Variants in SCUBE1 observed in about 807,000 individuals in gnomAD.
The protein encoded by SCUBE1 is signal peptide, CUB domain and EGF like domain containing 1.
In SCUBE1, 59 loss-of-function variants were observed where a neutral mutation model predicts 124.4. The observed-to-expected ratio is 0.47, with a 90% CI of 0.38 to 0.59. The LOEUF (loss-of-function observed/expected upper bound fraction) is 0.59, where lower values mean the gene tolerates loss of function less well. Ranked by LOEUF, SCUBE1 falls within the 20% of genes least tolerant of loss-of-function variation. The pLI is 0.00. For missense variants in SCUBE1, 1,150 were observed against 1,371.2 expected (o/e 0.84, Z 2.55); for synonymous variants, 545 against 550.9 (o/e 0.99, Z 0.15).
intron 1 of SCUBE1, among the ~76,000 whole-genome samples, chr22:43,339,455 G>A (rs1417146086): frequency 6.6e-6 from 1 of 151,978 alleles, no homozygotes; most frequent in African/African-American, 2.4e-5. Flanking sequence ...CAATACGCTT[G>A]GCCTTATTTA....
chr22:43,220,712 A>C, intron 13 of SCUBE1, 125 bp from the exon 14 acceptor site: 4 of 1,233,630 alleles, frequency 3.2e-6, no homozygotes, highest in Non-Finnish European at 4.4e-6. Context: ...GGAAAAACTC[A>C]GGCTAGAGAA....
chr22:43,270,310 T>C (rs567224131), intron 4 of SCUBE1: 5 of 152,238 alleles, frequency 3.3e-5, no homozygotes, highest in Non-Finnish European at 7.3e-5. Flanking sequence ...CATCCAACAC[T>C]GGAAACACTT....
chr22:43,323,043 A>T (rs1348218788), intron 2 of SCUBE1, among the ~76,000 whole-genome samples: 1 of 152,242 alleles, frequency 6.6e-6, no homozygotes, highest in African/African-American at 2.4e-5. Context: ...CTTTCAGTCT[A>T]GGAAGCCCAC....
intron 10 of SCUBE1, among the ~76,000 whole-genome samples, chr22:43,223,789 C>T (rs532956130): frequency 5.9e-5 from 9 of 152,336 alleles, no homozygotes; most frequent in Non-Finnish European, 7.3e-5. Flanking sequence ...CGGTGACAAC[C>T]GGCTTATGTG....
chr22:43,237,035 G>A (rs561332252), intron 7 of SCUBE1, among the ~76,000 whole-genome samples: 31 of 148,508 alleles, frequency 2.1e-4, no homozygotes, highest in Middle Eastern at 6.9e-3. Flanking sequence ...AGGAGGTCTG[G>A]CCAAAGGGCT....
Position 43,198,159 on chromosome 22 carries a change from T to G in SCUBE1, c.*5838A>C. 4.3e-6 allele frequency: 1 copy of G among 230,118 alleles called. No homozygotes were observed. The highest frequency in any genetic ancestry group is 8.8e-6 in the Non-Finnish European group (1 of 114,072). 14.3% of individuals were successfully genotyped at this position (230,118 alleles called of 1,614,324 possible). The stretch of plus-strand genomic sequence containing the variant: ...GGGCTGGGGGGATGGAATGTGTGGA[T>G]ATTAGAGGGTTGAGCCCAGAGCCTG... On this transcript the variant is annotated 3_prime_UTR_variant, in exon 22 of 22. Coordinates refer to ENST00000360835, the MANE Select transcript of SCUBE1 (RefSeq NM_173050.5).
chr22:43,254,971 C>A (rs1430285372), intron 6 of SCUBE1, among the ~76,000 whole-genome samples: 2 of 152,176 alleles, frequency 1.3e-5, no homozygotes, highest in East Asian at 3.9e-4. Context: ...CCTGAGAGGT[C>A]CTGGAGGTCC....
Position 43,255,510 on chromosome 22 carries a change from C to G in SCUBE1, c.727+2709G>C. 1 of 1,550,612 alleles carries G rather than the reference C, an allele frequency of 6.4e-7. No individual in the cohort carries two copies. The highest frequency in any genetic ancestry group is 8.7e-7 in the Non-Finnish European group (1 of 1,147,006). ...TACCCATGAGTAGCCGCCGTTTCAC[C>G]CGCTTGTCCACATCAGCTACTGACG... On this transcript the variant is annotated intron_variant, in intron 6 of 21. Transcript: ENST00000360835. The surrounding 1 kb of genome is among the most constrained non-coding windows in gnomAD (Gnocchi z 4.7).
intron 3 of SCUBE1, among the ~76,000 whole-genome samples, chr22:43,306,959 C>T (rs1007363157): frequency 4.6e-5 from 7 of 152,204 alleles, no homozygotes; most frequent in African/African-American, 1.4e-4. Flanking sequence ...ATGACCCCCA[C>T]GGCAGGTCTG....
Position 43,211,082 on chromosome 22 carries a change from C to T in SCUBE1, c.2223G>A (p.Val741=), listed in dbSNP as rs756777452. The T allele has an allele frequency of 6.2e-7, 1 of 1,608,352 alleles. No individual in the cohort carries two copies. Among genetic ancestry groups the T allele is most frequent in the Non-Finnish European group, 8.5e-7 (1 of 1,177,258 alleles). Residue 741 remains valine (V), a splice_region_variant and synonymous_variant, in exon 18 of 22, where the codon GTG becomes GTA. Coordinates refer to ENST00000360835, the MANE Select transcript of SCUBE1 (RefSeq NM_173050.5). This position sits in a 1 kb window ranked among gnomAD's most constrained non-coding sequence, Gnocchi z 4.5. ...TTSFQDCEAK[V]HCSPGHHYNT... ...TGTAGTGGTGGCCGGGGGAGCAGTG[C>T]ACTGCCGGGGGACACAAGGCAGTGT...
At chr22:43,282,090 G>A (rs1924936911) in intron 4 of SCUBE1, 1 of 152,970 alleles carries the variant, frequency 6.5e-6, no homozygotes, top group Non-Finnish European at 1.5e-5. Context: ...CAGGGTGAAG[G>A]GAGTTGAGAA....
chr22:43,205,495 G>A (rs530891002), intron 21 of SCUBE1, among the ~76,000 whole-genome samples: 1 of 151,972 alleles, frequency 6.6e-6, no homozygotes, highest in South Asian at 2.1e-4. Context: ...AGAGCTCCTC[G>A]CCCTGTTGAC....
intron 10 of SCUBE1, 75 bp downstream of exon 10, chr22:43,227,299 C>A: frequency 6.6e-7 from 1 of 1,520,414 alleles, no homozygotes; most frequent in East Asian, 2.4e-5. Flanking sequence ...TCACCCCCAC[C>A]TCAGAAAAGC....
intron 4 of SCUBE1, among the ~76,000 whole-genome samples, chr22:43,280,393 C>CTGCTGT (rs200211020): frequency 6.6e-5 from 8 of 121,222 alleles, no homozygotes; most frequent in African/African-American, 2.8e-4. Flanking sequence ...CTCACCCATC[C>CTGCTGT]CCCGTCCCTT....
chr22:43,315,054 G>A (rs1379283081), intron 3 of SCUBE1, among the ~76,000 whole-genome samples: 1 of 151,960 alleles, frequency 6.6e-6, no homozygotes, highest in African/African-American at 2.4e-5. Flanking sequence ...ATTTTTAAGT[G>A]TTGACAAATA....
chr22:43,339,052 C>A (rs929511220), intron 2 of SCUBE1, 52 bp downstream of exon 2: 1 of 1,606,988 alleles, frequency 6.2e-7, no homozygotes, highest in African/African-American at 1.3e-5. Context: ...CGGCCACCTA[C>A]AGCAGCCCTG....
intron 4 of SCUBE1, among the ~76,000 whole-genome samples, chr22:43,286,556 C>T (rs991308769): frequency 2.0e-5 from 3 of 152,218 alleles, no homozygotes; most frequent in Non-Finnish European, 2.9e-5. Flanking sequence ...GGAATAGCAA[C>T]AGTTCACCAG....
intron 4 of SCUBE1, among the ~76,000 whole-genome samples, chr22:43,267,757 G>A (rs1307104867): frequency 6.6e-6 from 1 of 152,052 alleles, no homozygotes; most frequent in Non-Finnish European, 1.5e-5. Context: ...GAACCTCAGA[G>A]GGAGAGCGGG....
intron 2 of SCUBE1, among the ~76,000 whole-genome samples, chr22:43,336,674 C>G (rs1374224148): frequency 6.6e-6 from 1 of 152,058 alleles, no homozygotes; most frequent in Admixed American, 6.6e-5. Context: ...GACCTAGAGT[C>G]AGAAGTGTGA....
Sources: allele counts gnomAD v4.1 joint callset (sites outside exome capture counted in the v4.1 genomes callset), GRCh38; gene constraint gnomAD v4.1.1; non-coding constraint Gnocchi (gnomAD v3.1); transcripts MANE v1.5; gene names NCBI Gene and HGNC (gene_info 2026-07-23, HGNC 2026-07-21).